GPAT3: variants seen among roughly 807,000 people sequenced by gnomAD.
GPAT3 encodes glycerol-3-phosphate acyltransferase 3, also known as 1-AGP acyltransferase 9.
In GPAT3, 53 loss-of-function variants were observed where a neutral mutation model predicts 58.8. That is an observed-to-expected ratio of 0.90 (90% CI 0.72 to 1.13). GPAT3 has a LOEUF of 1.13. Ranked by LOEUF, GPAT3 falls within the 50% of genes most tolerant of loss-of-function variation. The pLI is 0.00. For missense variants in GPAT3, 511 were observed against 527.6 expected, an observed-to-expected ratio of 0.97 and a Z score of 0.31; for synonymous variants, 197 against 187.4, an observed-to-expected ratio of 1.05 and a Z score of -0.42.
intron 2 of GPAT3, among the ~76,000 whole-genome samples, chr4:83,555,069 G>T (rs1186699811): frequency 6.6e-6 from 1 of 152,150 alleles, no homozygotes; most frequent in East Asian, 1.9e-4. Flanking sequence ...CTCCCAAAGT[G>T]CTGGGATTAC....
chr4:83,543,628 C>A (rs1401938380), intron 1 of GPAT3, among the ~76,000 whole-genome samples: 1 of 151,822 alleles, frequency 6.6e-6, no homozygotes, highest in East Asian at 1.9e-4. Context: ...TTCATGATTT[C>A]TTTTTCATTC....
At chr4:83,582,328 A>G (rs1165130494) in intron 3 of GPAT3, among the ~76,000 whole-genome samples, 1 of 152,206 alleles carries the variant, frequency 6.6e-6, no homozygotes, top group African/African-American at 2.4e-5. Flanking sequence ...TGTTCCATCC[A>G]ATTCATTGTG....
chr4:83,596,766 A>T, intron 7 of GPAT3, 92 bp from the exon 8 acceptor site: 1 of 948,416 alleles, frequency 1.1e-6, no homozygotes, highest in Non-Finnish European at 1.7e-6. Context: ...TTATTGCTTC[A>T]CAATTGTGCC....
At chr4:83,582,289 C>T (rs571929024) in intron 3 of GPAT3, among the ~76,000 whole-genome samples, 3 of 152,326 alleles carry the variant, frequency 2.0e-5, no homozygotes, top group Non-Finnish European at 2.9e-5. Flanking sequence ...TGTGGTTACA[C>T]GTGGGAGAGA....
chr4:83,600,902 T>C (rs1727032424), intron 11 of GPAT3, among the ~76,000 whole-genome samples: 1 of 152,216 alleles, frequency 6.6e-6, no homozygotes, highest in African/African-American at 2.4e-5. Flanking sequence ...CTCCCTGCTG[T>C]CTTTTTTGGT....
chr4:83,544,406 T>C, intron 1 of GPAT3, 130 bp from the exon 2 acceptor site: 1 of 876,696 alleles, frequency 1.1e-6, no homozygotes, highest in Non-Finnish European at 1.9e-6. Context: ...AGAGATTCCC[T>C]GGGGTTAGCT....
At chr4:83,537,105 T>G (rs1358923529) in intron 1 of GPAT3, among the ~76,000 whole-genome samples, 1 of 152,236 alleles carries the variant, frequency 6.6e-6, no homozygotes. Flanking sequence ...ATATCCATTA[T>G]GCAGTGCAGT....
intron 1 of GPAT3, among the ~76,000 whole-genome samples, chr4:83,539,759 C>T (rs1724225927): frequency 6.6e-6 from 1 of 152,196 alleles, no homozygotes; most frequent in African/African-American, 2.4e-5. Context: ...TTTAGTGATT[C>T]TCCAAGCCAG....
chr4:83,554,713 C>G (rs1724885015), intron 2 of GPAT3, among the ~76,000 whole-genome samples: 1 of 152,014 alleles, frequency 6.6e-6, no homozygotes. Context: ...GCCTTCCTTA[C>G]TAGCTCCTCT....
intron 2 of GPAT3, among the ~76,000 whole-genome samples, chr4:83,579,383 T>C (rs922394218): frequency 6.7e-6 from 1 of 148,196 alleles, no homozygotes; most frequent in African/African-American, 2.5e-5. Flanking sequence ...GCCTCCATCT[T>C]CTGGGCTCAA....
chr4:83,562,223 A>AATATATATG (rs1560611180), intron 2 of GPAT3, among the ~76,000 whole-genome samples: 1 of 69,256 alleles, frequency 1.4e-5, no homozygotes, highest in African/African-American at 6.2e-5. Flanking sequence ...ATATATATAT[A>AATATATATG]TAATATATAT....
intron 2 of GPAT3, among the ~76,000 whole-genome samples, chr4:83,577,788 CTTTTTT>C (rs1185047521): frequency 3.0e-5 from 2 of 66,690 alleles, no homozygotes; most frequent in South Asian, 5.7e-4. Flanking sequence ...GTCATTGTGG[CTTTTTT>C]TTTTTTTTTT....
intron 3 of GPAT3, among the ~76,000 whole-genome samples, chr4:83,584,632 A>C (rs1212890860): frequency 6.6e-6 from 1 of 152,092 alleles, no homozygotes; most frequent in Non-Finnish European, 1.5e-5. Context: ...CAGCCTCTCG[A>C]GTAGCTGGAA....
At chr4:83,551,834 A>ATCTATCTATCTATCTATCTATCTATCTG (rs1724767148) in intron 2 of GPAT3, among the ~76,000 whole-genome samples, 5 of 149,348 alleles carry the variant, frequency 3.3e-5, no homozygotes, top group African/African-American at 7.4e-5. Context: ...CTATCTATCT[A>ATCTATCTATCTATCTATCTATCTATCTG]TCTATCTATC....
chr4:83,588,854 G>T (rs1726483557), intron 5 of GPAT3, among the ~76,000 whole-genome samples: 1 of 152,186 alleles, frequency 6.6e-6, no homozygotes, highest in African/African-American at 2.4e-5. Context: ...GAGAATGAAG[G>T]CAGCAAAGGA....
chr4:83,535,679 G>T (rs892947270), upstream of GPAT3: 59 of 984,186 alleles, frequency 6.0e-5, no homozygotes, highest in Non-Finnish European at 6.4e-5. Flanking sequence ...GCAACGCGTG[G>T]AGAGAGCTTC....
chr4:83,574,485 C>T (rs1053179848), intron 2 of GPAT3, among the ~76,000 whole-genome samples: 2 of 145,562 alleles, frequency 1.4e-5, no homozygotes, highest in Admixed American at 7.0e-5. Flanking sequence ...CAATTAATCG[C>T]TTGTGTGAGA....
intron 2 of GPAT3, among the ~76,000 whole-genome samples, chr4:83,580,708 TG>T (rs1408401899): frequency 2.0e-5 from 3 of 152,206 alleles, no homozygotes; most frequent in South Asian, 2.1e-4. Context: ...AGTGAAAAGT[TG>T]TATGATATTA....
chr4:83,568,448 A>G (rs1725483469), intron 2 of GPAT3, among the ~76,000 whole-genome samples: 1 of 150,854 alleles, frequency 6.6e-6, no homozygotes, highest in South Asian at 2.1e-4. Flanking sequence ...AGGCAGGGTT[A>G]TTGCTACCAG....
Sources: allele counts gnomAD v4.1 joint callset (sites outside exome capture counted in the v4.1 genomes callset), GRCh38; gene constraint gnomAD v4.1.1; transcripts MANE v1.5; gene names NCBI Gene and HGNC (gene_info 2026-07-23, HGNC 2026-07-21).